The following RORA variants were observed in gnomAD, a reference collection of about 807,000 sequenced individuals.
RORA encodes the protein RAR related orphan receptor A, also known as nuclear receptor ROR-alpha.
Under a neutral mutation model 69.5 loss-of-function variants are expected in RORA, and 7 were observed. That is an observed-to-expected ratio of 0.10 (90% CI 0.06 to 0.19). The LOEUF is 0.19. RORA is among the 10% of genes least tolerant of loss of function. RORA has a pLI of 1.00. For missense variants in RORA, 457 were observed against 663.0 expected (o/e 0.69, Z 3.41); for synonymous variants, 261 against 240.8 (o/e 1.08, Z -0.78).
At chr15:60,722,348 G>C (rs2140826010) in intron 1 of RORA, among the ~76,000 whole-genome samples, 1 of 152,222 alleles carries the variant, frequency 6.6e-6, no homozygotes, top group East Asian at 1.9e-4. Flanking sequence ...CACAAATTAA[G>C]GTGCAGCTAA....
chr15:60,520,442 A>G (rs2066126437), intron 3 of RORA: 1 of 152,228 alleles, frequency 6.6e-6, no homozygotes, highest in African/African-American at 2.4e-5. Context: ...AGGGTTTGGA[A>G]AATTAAACAG....
At chr15:60,673,739 C>T (rs375357395) in intron 2 of RORA, among the ~76,000 whole-genome samples, 5 of 152,320 alleles carry the variant, frequency 3.3e-5, no homozygotes, top group African/African-American at 1.2e-4. Flanking sequence ...TTCTATCCCA[C>T]CCTATCCCCT....
intron 2 of RORA, among the ~76,000 whole-genome samples, chr15:60,570,113 G>A (rs1028517863): frequency 1.3e-5 from 2 of 152,130 alleles, no homozygotes; most frequent in Non-Finnish European, 2.9e-5. Flanking sequence ...ATTTGACTCC[G>A]AGACAAGAGA....
At chr15:60,592,852 G>A (rs891148358) in intron 2 of RORA, 6 of 481,374 alleles carry the variant, frequency 1.2e-5, no homozygotes, top group Non-Finnish European at 2.4e-5. Flanking sequence ...CCCGCGGAAC[G>A]CGCCTCTGAC....
At chr15:60,505,690 T>C in intron 5 of RORA, 61 bp from the exon 6 acceptor site, 1 of 1,582,082 alleles carries the variant, frequency 6.3e-7, no homozygotes, top group South Asian at 1.1e-5. Context: ...AATTGGTGAT[T>C]TAATATTTGC....
At chr15:60,809,731 T>C (rs2072715189) in intron 1 of RORA, among the ~76,000 whole-genome samples, 1 of 152,142 alleles carries the variant, frequency 6.6e-6, no homozygotes, top group African/African-American at 2.4e-5. Flanking sequence ...GTAAATGCTA[T>C]TCACCAATGG....
At chr15:60,979,812 ACTTC>A (rs1893987454) in intron 1 of RORA, among the ~76,000 whole-genome samples, 2 of 151,874 alleles carry the variant, frequency 1.3e-5, no homozygotes, top group Admixed American at 1.3e-4. Context: ...GGTAGTTTTA[ACTTC>A]CTTCTTCTAA....
At chr15:60,836,904 C>T (rs914613457) in intron 1 of RORA, among the ~76,000 whole-genome samples, 2 of 152,196 alleles carry the variant, frequency 1.3e-5, no homozygotes, top group African/African-American at 4.8e-5. Flanking sequence ...AGGCACCAGC[C>T]CACATTCTTG....
intron 1 of RORA, among the ~76,000 whole-genome samples, chr15:61,014,004 C>T (rs1028199121): frequency 1.3e-5 from 2 of 151,946 alleles, no homozygotes; most frequent in Non-Finnish European, 2.9e-5. Context: ...AGGATGGTCT[C>T]GATCTCCTGA....
At chr15:60,757,659 C>T (rs1315385308) in intron 1 of RORA, among the ~76,000 whole-genome samples, 1 of 152,174 alleles carries the variant, frequency 6.6e-6, no homozygotes, top group Middle Eastern at 3.2e-3. Flanking sequence ...GAGCACATCC[C>T]TGGATGTGAC....
At chr15:61,085,495 C>T (rs777167905) in intron 1 of RORA, among the ~76,000 whole-genome samples, 8 of 152,344 alleles carry the variant, frequency 5.3e-5, no homozygotes, top group African/African-American at 1.4e-4. Flanking sequence ...ATAACAGACT[C>T]GTGGGCCCGC....
chr15:60,780,814 G>A (rs140779825), intron 1 of RORA, among the ~76,000 whole-genome samples: 1 of 152,250 alleles, frequency 6.6e-6, no homozygotes, highest in African/African-American at 2.4e-5. Context: ...AGGCAGACAC[G>A]GTCCCTACAT....
chr15:60,761,062 C>T (rs573784226), intron 1 of RORA, among the ~76,000 whole-genome samples: 15 of 152,208 alleles, frequency 9.9e-5, no homozygotes, highest in Non-Finnish European at 1.5e-4. Context: ...GCTGTTCACA[C>T]GTGGGCTCCT....
intron 1 of RORA, among the ~76,000 whole-genome samples, chr15:61,169,973 C>T (rs976165863): frequency 5.3e-5 from 8 of 152,120 alleles, no homozygotes; most frequent in South Asian, 2.1e-4. Context: ...CCAGAGGCAC[C>T]GTGTCCATCA....
intron 1 of RORA, among the ~76,000 whole-genome samples, chr15:61,163,901 A>T (rs2079518525): frequency 6.6e-6 from 1 of 152,268 alleles, no homozygotes; most frequent in Non-Finnish European, 1.5e-5. Context: ...AGCTTGGCTT[A>T]GATGAAACCA....
At chr15:60,669,992 T>A (rs2070439860) in intron 2 of RORA, among the ~76,000 whole-genome samples, 1 of 152,158 alleles carries the variant, frequency 6.6e-6, no homozygotes, top group African/African-American at 2.4e-5. Flanking sequence ...GCTAAGAAAA[T>A]CTGCCTGGCT....
chr15:61,074,079 G>C (rs917495607), intron 1 of RORA, among the ~76,000 whole-genome samples: 1 of 152,166 alleles, frequency 6.6e-6, no homozygotes, highest in Non-Finnish European at 1.5e-5. Flanking sequence ...ATGGGGGTTA[G>C]ATACAAATCC....
chr15:60,679,122 C>T (rs561737540), intron 1 of RORA, among the ~76,000 whole-genome samples: 3 of 152,100 alleles, frequency 2.0e-5, no homozygotes, highest in South Asian at 2.1e-4. Flanking sequence ...TGTGTTTACT[C>T]TTTAATGAAA....
intron 1 of RORA, among the ~76,000 whole-genome samples, chr15:61,190,338 G>A (rs528759661): frequency 6.6e-6 from 1 of 152,164 alleles, no homozygotes; most frequent in Non-Finnish European, 1.5e-5. Context: ...GTTTTACACG[G>A]TGCATGGAAA....
Sources: allele counts gnomAD v4.1 joint callset (sites outside exome capture counted in the v4.1 genomes callset), GRCh38; gene constraint gnomAD v4.1.1; transcripts MANE v1.5; gene names NCBI Gene and HGNC (gene_info 2026-07-23, HGNC 2026-07-21).